MEPE: variants seen among roughly 807,000 people sequenced by gnomAD.
MEPE encodes the protein matrix extracellular phosphoglycoprotein.
In MEPE, 7 loss-of-function variants were observed where a neutral mutation model predicts 7.3. The observed-to-expected ratio is 0.95, with a 90% confidence interval of 0.54 to 1.79. The LOEUF (loss-of-function observed/expected upper bound fraction) is 1.79, where lower values mean the gene tolerates loss of function less well. Among genes scored for constraint, MEPE ranks in the 40% most tolerant of loss-of-function variants. The pLI is 0.00. For missense variants in MEPE, 623 were observed against 628.2 expected (o/e 0.99, Z 0.09); for synonymous variants, 214 against 213.1 (o/e 1.00, Z -0.04).
Position 87,838,613 on chromosome 4 carries a change from G to T in MEPE, c.55-19G>T, listed in dbSNP as rs1340931400. ...AGAATGTTCTAGTGGGTGAAGTTTT[G>T]TTTCTTGTTTCCTTTCAGACATTTC... On this transcript the variant is annotated intron_variant, in intron 2 of 3. Transcript: ENST00000361056. 1.9e-6 allele frequency: 3 copies of T among 1,611,168 alleles called. No homozygotes were observed. The South Asian group carries it at 3.3e-5, about 18-fold the overall frequency.
At chr4:87,839,128 T>G (rs1029697802) in intron 3 of MEPE, among the ~76,000 whole-genome samples, 16 of 152,210 alleles carry the variant, frequency 1.1e-4, no homozygotes, top group Admixed American at 4.6e-4. Flanking sequence ...GCTTTCCATA[T>G]GCATCCAGTT....
At chr4:87,842,108 A>G (rs1723036901) in intron 3 of MEPE, among the ~76,000 whole-genome samples, 1 of 152,222 alleles carries the variant, frequency 6.6e-6, no homozygotes, top group Non-Finnish European at 1.5e-5. Flanking sequence ...CACAGCCCAT[A>G]AACGGCAGTG....
Position 87,846,653 on chromosome 4 carries a change from G to A in MEPE, c.*207G>A. 4.1e-6 allele frequency: 2 copies of A among 486,094 alleles called. No individual in the cohort carries two copies. The highest frequency in any genetic ancestry group is 7.1e-6 in the Non-Finnish European group (2 of 281,984). The allele number at this position is 486,094 out of a possible 1,614,324, so 30.1% of individuals were successfully genotyped here. A position where few individuals can be genotyped will look rare whatever the true frequency, so the allele number is the denominator to read the frequency against. On this transcript the variant is annotated 3_prime_UTR_variant, in exon 4 of 4. Transcript: ENST00000361056. ...CTATTAAAGGCTATAATGTTTTTAAGCAAAAAAAAATCATTACAGATCTAT... is the reference window on the plus strand; with the variant it reads ...CTATTAAAGGCTATAATGTTTTTAAACAAAAAAAAATCATTACAGATCTAT...
intron 1 of MEPE, among the ~76,000 whole-genome samples, chr4:87,823,652 C>T (rs2109986860): frequency 1.3e-5 from 2 of 152,318 alleles, no homozygotes; most frequent in East Asian, 1.9e-4. Context: ...CATTTGGATC[C>T]TTTCTGTCAA....
At position 87,846,322 on chromosome 4, in the gene MEPE, T is replaced by C. The variant is rs781549826; in HGVS notation, c.1454T>C (p.Met485Thr). The change falls in exon 4 of 4, where the codon ATG (methionine) becomes ACG (threonine). Residue 485 changes from methionine to threonine, a missense_variant. Physicochemically the swap from Met to Thr is moderately conservative, Grantham distance 81 (BLOSUM62 -1). Transcript: ENST00000361056. Reference sequence around the variant, plus strand: ...AATAATTCTACACGGAATAAGGGTATGCCACAAGGGAAAGGCTCCTGGGGT... The same window carrying C: ...AATAATTCTACACGGAATAAGGGTACGCCACAAGGGAAAGGCTCCTGGGGT... ...RQNNSTRNKG[M>T]PQGKGSWGRQ... is the part of the protein sequence containing the mutation. The C allele has an allele frequency of 9.9e-6, 16 of 1,613,966 alleles. No individual in the cohort carries two copies. In the South Asian group the frequency reaches 1.6e-4, roughly 17 times the overall value.
upstream of MEPE, among the ~76,000 whole-genome samples, chr4:87,828,662 A>G (rs1292341739): frequency 6.6e-6 from 1 of 152,186 alleles, no homozygotes; most frequent in Non-Finnish European, 1.5e-5. Flanking sequence ...GTTAGCTAGC[A>G]TTTTATATGA....
upstream of MEPE, among the ~76,000 whole-genome samples, chr4:87,829,369 C>A (rs1722545012): frequency 7.0e-6 from 1 of 141,854 alleles, no homozygotes; most frequent in Non-Finnish European, 1.6e-5. Flanking sequence ...GTTTTTTTCT[C>A]TTAAAACTCT....
upstream of MEPE, among the ~76,000 whole-genome samples, chr4:87,828,798 G>C (rs1037026891): frequency 6.6e-6 from 1 of 152,170 alleles, no homozygotes; most frequent in Non-Finnish European, 1.5e-5. Context: ...ACCCAGCAAA[G>C]TCAGGCTAGG....
In MEPE at chr4:87,839,984, C is replaced by T. The variant is rs1016491818; in HGVS notation, c.108+1299C>T. On this transcript the variant is annotated intron_variant, in intron 3 of 3. Coordinates refer to ENST00000361056, the MANE Select transcript of MEPE (RefSeq NM_020203.6). ...GTCCCAGAATCTTCCTGATCCCCAT[C>T]CCATGCCTCGGCCCACATCTCGCTC... is the stretch of plus-strand genomic sequence containing the variant. 4.6e-6 allele frequency: 7 copies of T among 1,535,352 alleles called. No homozygotes were observed. In the African/African-American group the frequency reaches 9.6e-5, roughly 21 times the overall value.
chr4:87,822,740 C>G (rs1324858311), intron 1 of MEPE, among the ~76,000 whole-genome samples: 1 of 152,094 alleles, frequency 6.6e-6, no homozygotes, highest in Non-Finnish European at 1.5e-5. Flanking sequence ...GGAGCAAGGT[C>G]AAAAGTCCTG....
At chr4:87,822,830 G>A (rs1331725729) in intron 1 of MEPE, among the ~76,000 whole-genome samples, 1 of 152,194 alleles carries the variant, frequency 6.6e-6, no homozygotes, top group Non-Finnish European at 1.5e-5. Context: ...GGTGGGAACT[G>A]CCCATGGCAT....
intron 3 of MEPE, among the ~76,000 whole-genome samples, chr4:87,844,601 G>C (rs1233545275): frequency 6.6e-6 from 1 of 152,290 alleles, no homozygotes; most frequent in East Asian, 1.9e-4. Flanking sequence ...GAGAGAGAGA[G>C]AGAGAACTAA....
chr4:87,821,708 C>T (rs78970808), intron 1 of MEPE, among the ~76,000 whole-genome samples: 20 of 152,238 alleles, frequency 1.3e-4, no homozygotes, highest in East Asian at 1.2e-3. Context: ...CACCTAGCCT[C>T]GTGATGACAG....
chr4:87,842,219 C>T (rs777892861), intron 3 of MEPE, among the ~76,000 whole-genome samples: 26 of 152,190 alleles, frequency 1.7e-4, no homozygotes, highest in Admixed American at 2.0e-4. Flanking sequence ...TTCCTGCCTA[C>T]TGTTTCACTC....
At chr4:87,844,070 G>C (rs1001873772) in intron 3 of MEPE, among the ~76,000 whole-genome samples, 2 of 152,118 alleles carry the variant, frequency 1.3e-5, no homozygotes, top group African/African-American at 2.4e-5. Context: ...CCCTGTTTGA[G>C]TATGACTCAC....
At chr4:87,838,212 A>G (rs577552419) in intron 2 of MEPE, among the ~76,000 whole-genome samples, 20 of 152,314 alleles carry the variant, frequency 1.3e-4, no homozygotes, top group African/African-American at 4.8e-4. Flanking sequence ...ATTAATGCAC[A>G]CACACAATTT....
chr4:87,822,906 A>G (rs1722370820), intron 1 of MEPE, among the ~76,000 whole-genome samples: 1 of 152,186 alleles, frequency 6.6e-6, no homozygotes, highest in African/African-American at 2.4e-5. Flanking sequence ...GCCAAGACTC[A>G]GGTTGTACTG....
intron 2 of MEPE, 127 bp downstream of exon 2, chr4:87,834,895 C>G (rs375157146): frequency 6.7e-6 from 5 of 746,198 alleles, no homozygotes. Flanking sequence ...AAGAACCAAG[C>G]AAACAGAAAG....
intron 1 of MEPE, among the ~76,000 whole-genome samples, chr4:87,822,666 G>A (rs960854888): frequency 6.6e-6 from 1 of 152,180 alleles, no homozygotes; most frequent in African/African-American, 2.4e-5. Context: ...TGCTACTGAG[G>A]AGTCAGCTCT....
Sources: allele counts gnomAD v4.1 joint callset (sites outside exome capture counted in the v4.1 genomes callset), GRCh38; gene constraint gnomAD v4.1.1; transcripts MANE v1.5; gene names NCBI Gene and HGNC (gene_info 2026-07-23, HGNC 2026-07-21).